PLA2G4E: variants seen among roughly 807,000 people sequenced by gnomAD.
PLA2G4E encodes the protein phospholipase A2 group IVE.
A neutral mutation model predicts 109.1 loss-of-function variants in PLA2G4E; 84 were observed. The observed-to-expected ratio is 0.77, with a 90% confidence interval of 0.65 to 0.92. The LOEUF (loss-of-function observed/expected upper bound fraction) is 0.92. Among genes scored for constraint, PLA2G4E ranks in the 40% least tolerant of loss-of-function variants. The probability of loss-of-function intolerance (pLI) is 0.00; values close to 1 mark genes in which losing one functional copy is unlikely to be tolerated. For synonymous variants in PLA2G4E, 469 were observed against 436.1 expected, an observed-to-expected ratio of 1.08 and a Z score of -0.94; for missense variants, 1,057 against 1,076.6, an observed-to-expected ratio of 0.98 and a Z score of 0.25.
At chr15:42,003,141 G>A (rs1037935225) in intron 5 of PLA2G4E, among the ~76,000 whole-genome samples, 7 of 152,232 alleles carry the variant, frequency 4.6e-5, no homozygotes, top group Non-Finnish European at 1.0e-4. Flanking sequence ...GAGGGTGAAT[G>A]TTAAATGCCC....
chr15:41,996,135 C>G (rs967968320), intron 11 of PLA2G4E, among the ~76,000 whole-genome samples: 1 of 151,854 alleles, frequency 6.6e-6, no homozygotes, highest in Non-Finnish European at 1.5e-5. Context: ...TTGCTTAAGC[C>G]CAGGAGTTCA....
exon 17 of PLA2G4E, chr15:41,987,320 G>C: frequency 1.9e-6 from 3 of 1,613,964 alleles, no homozygotes; most frequent in Non-Finnish European, 2.5e-6. Context: ...TCACTACCGT[G>C]GTCTCCAGGA....
chr15:42,036,603 G>A (rs943198753), intron 1 of PLA2G4E, among the ~76,000 whole-genome samples: 1 of 152,144 alleles, frequency 6.6e-6, no homozygotes, highest in Non-Finnish European at 1.5e-5. Flanking sequence ...GGCTGGGCCA[G>A]GGCCTGCCAT....
At chr15:41,998,575 T>C (rs1370585693) in intron 10 of PLA2G4E, 1 of 152,180 alleles carries the variant, frequency 6.6e-6, no homozygotes, top group Non-Finnish European at 1.5e-5. Context: ...TTTCTGACAA[T>C]CAAGATTTCT....
chr15:42,043,583 AAC>A (rs1468119230), intron 1 of PLA2G4E, among the ~76,000 whole-genome samples: 60 of 149,140 alleles, frequency 4.0e-4, no homozygotes, highest in African/African-American at 8.4e-4. Context: ...AAAAAAAAAA[AAC>A]AACCACAAAC....
intron 1 of PLA2G4E, among the ~76,000 whole-genome samples, chr15:42,016,140 T>C (rs1451627946): frequency 6.6e-6 from 1 of 151,736 alleles, no homozygotes; most frequent in Admixed American, 6.6e-5. Context: ...TCAATTCTTC[T>C]CTCTTTAAAT....
chr15:42,009,507 A>G (rs988692866), intron 2 of PLA2G4E, among the ~76,000 whole-genome samples: 2 of 152,010 alleles, frequency 1.3e-5, no homozygotes, highest in Admixed American at 6.5e-5. Context: ...CCAGTTCGAG[A>G]TCCTCCAGGG....
intron 17 of PLA2G4E, 58 bp from the exon 18 acceptor site, chr15:41,986,063 G>A (rs1018043514): frequency 1.3e-6 from 2 of 1,527,992 alleles, no homozygotes; most frequent in South Asian, 2.4e-5. Flanking sequence ...CCAATGGACA[G>A]AGGCACTTGG....
At chr15:42,011,792 G>C (rs975710330) in intron 2 of PLA2G4E, among the ~76,000 whole-genome samples, 2 of 152,182 alleles carry the variant, frequency 1.3e-5, no homozygotes, top group Admixed American at 1.3e-4. Context: ...GGTAAGCACT[G>C]CTGTGGATAT....
intron 1 of PLA2G4E, among the ~76,000 whole-genome samples, chr15:42,017,665 A>G (rs765664797): frequency 1.3e-5 from 2 of 151,858 alleles, no homozygotes; most frequent in Non-Finnish European, 2.9e-5. Flanking sequence ...GCTTGCCTTC[A>G]TCTCCTCTTC....
intron 7 of PLA2G4E, among the ~76,000 whole-genome samples, chr15:42,000,495 A>T (rs528906988): frequency 1.3e-5 from 2 of 152,364 alleles, no homozygotes; most frequent in South Asian, 4.1e-4. Context: ...AGACAAACAT[A>T]GTCCCCAGAA....
chr15:41,994,306 G>GC (rs1384947956), intron 12 of PLA2G4E, among the ~76,000 whole-genome samples: 8 of 151,800 alleles, frequency 5.3e-5, no homozygotes, highest in African/African-American at 1.9e-4. Flanking sequence ...TGCCCCCCGG[G>GC]GGGGTGTGTG....
rs1025503317 is a variant in PLA2G4E at position 41,992,667 on chromosome 15, C to T, written c.1470+70G>A. 8.8e-6 allele frequency: 13 copies of T among 1,475,182 alleles called. No individual in the cohort carries two copies. In the Admixed American group the frequency reaches 1.7e-4, roughly 19 times the overall value. The allele number at this position is 1,475,182 out of a possible 1,614,324, so 91.4% of individuals were successfully genotyped here. On this transcript the variant is annotated intron_variant, in intron 13 of 19. Transcript: ENST00000399518. The stretch of plus-strand genomic sequence containing the variant: ...CCTGTGTGCAATGGAAGTCCTGACT[C>T]CCCTGAGGAAGAAAGAGAGCCAGGC...
chr15:42,002,137 C>A (rs965672800), intron 6 of PLA2G4E, among the ~76,000 whole-genome samples: 1 of 151,920 alleles, frequency 6.6e-6, no homozygotes, highest in African/African-American at 2.4e-5. Flanking sequence ...TGTTGAAACC[C>A]CGTCTCTACA....
intron 14 of PLA2G4E, 50 bp from the exon 15 acceptor site, chr15:41,989,602 C>T (rs1435417902): frequency 1.3e-6 from 2 of 1,573,894 alleles, no homozygotes; most frequent in East Asian, 2.3e-5. Context: ...AGGGAGCCGT[C>T]CACACAGCCG....
At chr15:42,016,047 C>A (rs991303639) in intron 1 of PLA2G4E, among the ~76,000 whole-genome samples, 1 of 152,134 alleles carries the variant, frequency 6.6e-6, no homozygotes, top group African/African-American at 2.4e-5. Flanking sequence ...TTTATAGAAG[C>A]GTCTGAACCG....
chr15:42,032,024 A>T (rs1436364378), intron 1 of PLA2G4E, among the ~76,000 whole-genome samples: 1 of 152,104 alleles, frequency 6.6e-6, no homozygotes, highest in African/African-American at 2.4e-5. Flanking sequence ...CTCTGAGTTC[A>T]TGCAAGATCT....
Position 42,000,088 on chromosome 15 carries a change from G to A in PLA2G4E, c.852+16C>T. 6.3e-7 allele frequency: 1 copy of A among 1,578,716 alleles called. No homozygotes were observed. The highest frequency in any genetic ancestry group is 2.3e-5 in the East Asian group (1 of 42,812). ...CCCAGTCCCCCACACCTCCCCCAGT[G>A]TCAGCCGCCTTGTACCCCACAGCTC... is the stretch of plus-strand genomic sequence containing the variant. On this transcript the variant is annotated intron_variant, in intron 8 of 19. Coordinates refer to ENST00000399518, the Ensembl canonical transcript of PLA2G4E.
intron 5 of PLA2G4E, among the ~76,000 whole-genome samples, chr15:42,003,007 G>C (rs913793296): frequency 6.6e-6 from 1 of 152,200 alleles, no homozygotes; most frequent in South Asian, 2.1e-4. Context: ...AGAATAAATA[G>C]GTTGTAAGAA....
Sources: allele counts gnomAD v4.1 joint callset (sites outside exome capture counted in the v4.1 genomes callset), GRCh38; gene constraint gnomAD v4.1.1; transcripts MANE v1.5; gene names NCBI Gene and HGNC (gene_info 2026-07-23, HGNC 2026-07-21).